Variants in RP1 observed in about 807,000 individuals in gnomAD.
RP1 encodes RP1 axonemal microtubule associated, also known as oxygen-regulated protein 1.
A neutral mutation model predicts 14.8 loss-of-function variants in RP1; 16 were observed. The observed-to-expected ratio is 1.08, with a 90% CI of 0.73 to 1.65. The LOEUF is 1.65. Ranked by LOEUF, RP1 falls within the 40% of genes most tolerant of loss-of-function variation. The pLI is 0.00. For missense variants in RP1, 2,631 were observed against 2,535.0 expected (o/e 1.04, Z -0.81); for synonymous variants, 876 against 883.6 (o/e 0.99, Z 0.15).
chr8:54,701,783 A>T (rs567135535), intron 14 of RP1: 13 of 846,316 alleles, frequency 1.5e-5, no homozygotes, highest in Non-Finnish European at 1.6e-5. Flanking sequence ...ACTAGGTGGC[A>T]TTGGTGCCTA....
At position 54,624,661 on chromosome 8, in the gene RP1, T is replaced by C; in HGVS notation, c.788-9T>C. On this transcript the variant is annotated splice_polypyrimidine_tract_variant and intron_variant, in intron 3 of 3. Coordinates refer to ENST00000220676, the MANE Select transcript of RP1 (RefSeq NM_006269.2). ...ATGTGGGCACCTTTTACTCTTAAAA[T>C]CTTTAAAGTAAGCACACATATGTCT... is the stretch of plus-strand genomic sequence containing the variant. The C allele has an allele frequency of 6.2e-7, 1 of 1,613,622 alleles. No homozygotes were observed. The highest frequency in any genetic ancestry group is 2.2e-5 in the East Asian group (1 of 44,802).
At chr8:54,613,307 C>G (rs1411933001), upstream of RP1, among the ~76,000 whole-genome samples, 1 of 152,180 alleles carries the variant, frequency 6.6e-6, no homozygotes, top group African/African-American at 2.4e-5. Context: ...AATTATTATG[C>G]TTCCTGATAT....
chr8:54,614,416 A>AAGCATC (rs1481349134), upstream of RP1, among the ~76,000 whole-genome samples: 1 of 151,966 alleles, frequency 6.6e-6, no homozygotes, highest in Middle Eastern at 3.2e-3. Flanking sequence ...CCAGGGCCAG[A>AAGCATC]AGCATCAGCA....
intron 17 of RP1, among the ~76,000 whole-genome samples, chr8:54,732,504 A>C (rs1434713703): frequency 1.3e-5 from 2 of 152,138 alleles, no homozygotes; most frequent in Non-Finnish European, 2.9e-5. Flanking sequence ...ATGCCCAGCA[A>C]ATAATAGGAA....
rs1242799200 is a variant in RP1 at position 54,755,002 on chromosome 8, T to C, written c.2941+67T>C. The C allele has an allele frequency of 3.6e-6, 5 of 1,371,500 alleles. No individual in the cohort carries two copies. In the African/African-American group the frequency reaches 5.9e-5, roughly 16 times the overall value. The allele number at this position is 1,371,500 out of a possible 1,614,324, so 85.0% of individuals were successfully genotyped here. A position where few individuals can be genotyped will look rare whatever the true frequency, so the allele number is the denominator to read the frequency against. On this transcript the variant is annotated intron_variant, in intron 20 of 22. Transcript: ENST00000636932. ...TTGTTTGGTAGTTGCTTAAATTTGC[T>C]TCTAAGCTATTTAGTTACAGAATAT... is the stretch of plus-strand genomic sequence containing the variant.
rs866584308 is a variant in RP1 at position 54,648,924 on chromosome 8, G to A, written c.788-61G>A. ...TCTCCTAGTTTTATGATGACCTGCT[G>A]TTCTGAGTCTTCCATTTCTATCAGT... is the stretch of plus-strand genomic sequence containing the variant. On this transcript the variant is annotated intron_variant, in intron 3 of 22. Transcript: ENST00000636932. The A allele has an allele frequency of 2.0e-4, 261 of 1,285,510 alleles. No homozygotes were observed. In the Middle Eastern group the frequency reaches 2.7e-3, roughly 13 times the overall value. 79.6% of individuals were successfully genotyped at this position (1,285,510 alleles called of 1,614,324 possible).
intron 22 of RP1, among the ~76,000 whole-genome samples, chr8:54,761,617 T>G (rs1325176134): frequency 6.6e-6 from 1 of 152,166 alleles, no homozygotes; most frequent in Non-Finnish European, 1.5e-5. Flanking sequence ...AGCTTAATTA[T>G]TATAATTTCA....
At chr8:54,707,157 G>A (rs1458326797) in intron 15 of RP1, among the ~76,000 whole-genome samples, 1 of 151,924 alleles carries the variant, frequency 6.6e-6, no homozygotes, top group Non-Finnish European at 1.5e-5. Context: ...TTTATTTTTA[G>A]AGACAGAGTC....
intron 12 of RP1, among the ~76,000 whole-genome samples, chr8:54,693,853 A>G (rs374548690): frequency 0.012 from 1,818 of 152,170 alleles, 29 homozygotes; most frequent in Non-Finnish European, 0.017. Context: ...TTCCAACACT[A>G]TGTTGAATAG....
At chr8:54,586,651 G>C (rs1005096329) in intron 1 of RP1, among the ~76,000 whole-genome samples, 2 of 152,206 alleles carry the variant, frequency 1.3e-5, no homozygotes, top group African/African-American at 4.8e-5. Flanking sequence ...CCACCCAGTC[G>C]AGCTTCCTGG....
intron 25 of RP1, among the ~76,000 whole-genome samples, chr8:54,840,830 C>T (rs1585737678): frequency 6.6e-6 from 1 of 152,078 alleles, no homozygotes; most frequent in African/African-American, 2.4e-5. Context: ...CTGAAGCACA[C>T]TAACCATTTC....
chr8:54,708,228 C>G (rs1218191370), intron 15 of RP1, among the ~76,000 whole-genome samples: 2 of 152,140 alleles, frequency 1.3e-5, no homozygotes, highest in Non-Finnish European at 2.9e-5. Flanking sequence ...AAGTGTCACT[C>G]CAAAGTGGGA....
At chr8:54,581,523 C>T (rs540551852) in intron 1 of RP1, among the ~76,000 whole-genome samples, 21 of 152,202 alleles carry the variant, frequency 1.4e-4, no homozygotes, top group South Asian at 2.1e-4. Flanking sequence ...ATATACCCAG[C>T]AATGGGATGG....
chr8:54,583,040 A>T (rs4739010), intron 1 of RP1, among the ~76,000 whole-genome samples: 117,086 of 151,580 alleles, frequency 0.77, 45,722 homozygotes, highest in Non-Finnish European at 0.83. Flanking sequence ...CACTATGTTG[A>T]ATAGGAGTGG....
At chr8:54,585,939 C>A (rs6473947) in intron 1 of RP1, among the ~76,000 whole-genome samples, 10,957 of 150,982 alleles carry the variant, frequency 0.073, 1,215 homozygotes, top group African/African-American at 0.25. Context: ...GCCATGGGTT[C>A]GAACTTCCTC....
intron 27 of RP1, among the ~76,000 whole-genome samples, chr8:54,859,706 G>C (rs1373544245): frequency 6.6e-6 from 1 of 151,884 alleles, no homozygotes; most frequent in Non-Finnish European, 1.5e-5. Context: ...GTAGTGCTGG[G>C]TTGCTGCAGA....
At chr8:54,743,984 C>T (rs1374161164) in intron 19 of RP1, among the ~76,000 whole-genome samples, 1 of 152,152 alleles carries the variant, frequency 6.6e-6, no homozygotes, top group Non-Finnish European at 1.5e-5. Context: ...TTTCATTCCT[C>T]TCTTGGAAAG....
chr8:54,746,627 A>G (rs1057492131), intron 19 of RP1, among the ~76,000 whole-genome samples: 5 of 152,246 alleles, frequency 3.3e-5, no homozygotes, highest in African/African-American at 1.2e-4. Context: ...ATGCTGTTAA[A>G]TAAAACTAAT....
At chr8:54,597,618 T>C (rs1308904659) in intron 1 of RP1, among the ~76,000 whole-genome samples, 1 of 152,196 alleles carries the variant, frequency 6.6e-6, no homozygotes, top group Non-Finnish European at 1.5e-5. Flanking sequence ...TCATGATTAC[T>C]TGCCTAAGCA....
Sources: allele counts gnomAD v4.1 joint callset (sites outside exome capture counted in the v4.1 genomes callset), GRCh38; gene constraint gnomAD v4.1.1; transcripts MANE v1.5; gene names NCBI Gene and HGNC (gene_info 2026-07-23, HGNC 2026-07-21).